The following RALGPS2 variants were observed in gnomAD, a reference collection of about 807,000 sequenced individuals.
RALGPS2 encodes Ral GEF with PH domain and SH3 binding motif 2.
Under a neutral mutation model 86.8 loss-of-function variants are expected in RALGPS2, and 43 were observed. The observed-to-expected ratio is 0.50, with a 90% CI of 0.39 to 0.64. RALGPS2 has a LOEUF of 0.64. Ranked by LOEUF, RALGPS2 falls within the 30% of genes least tolerant of loss-of-function variation. The pLI is 0.00. For missense variants in RALGPS2, 536 were observed against 694.6 expected, an observed-to-expected ratio of 0.77 and a Z score of 2.57; for synonymous variants, 243 against 231.3, an observed-to-expected ratio of 1.05 and a Z score of -0.46.
At chr1:178,799,913 T>C (rs1205412234) in intron 4 of RALGPS2, among the ~76,000 whole-genome samples, 3 of 152,180 alleles carry the variant, frequency 2.0e-5, no homozygotes, top group African/African-American at 7.2e-5. Flanking sequence ...TGGAGAAAAC[T>C]GTGTCCAGAT....
At chr1:178,794,711 T>G (rs1190815186) in intron 4 of RALGPS2, among the ~76,000 whole-genome samples, 1 of 152,218 alleles carries the variant, frequency 6.6e-6, no homozygotes, top group Admixed American at 6.5e-5. Context: ...GCAGTGCGGT[T>G]TTCTTTCCAG....
intron 2 of RALGPS2, among the ~76,000 whole-genome samples, chr1:178,780,147 A>G (rs1653319638): frequency 6.6e-6 from 1 of 152,084 alleles, no homozygotes; most frequent in African/African-American, 2.4e-5. Flanking sequence ...GTGACATCTC[A>G]TCTCCTTTTC....
intron 8 of RALGPS2, among the ~76,000 whole-genome samples, chr1:178,860,169 A>G (rs1657900746): frequency 6.6e-6 from 1 of 151,196 alleles, no homozygotes; most frequent in South Asian, 2.1e-4. Context: ...TAAATACGCT[A>G]TTTGTAAAAG....
intron 8 of RALGPS2, chr1:178,853,139 G>A (rs1240503312): frequency 1.0e-6 from 1 of 985,212 alleles, no homozygotes; most frequent in Non-Finnish European, 1.2e-6. Context: ...TTGTTTGTTT[G>A]TTTTTTGCTT....
intron 8 of RALGPS2, among the ~76,000 whole-genome samples, chr1:178,856,190 C>CAGAGAGAGAGAGAGAGAG (rs139246466): frequency 1.4e-5 from 1 of 69,122 alleles, no homozygotes; most frequent in African/African-American, 5.5e-5. Flanking sequence ...TGTACTTTTC[C>CAGAGAGAGAGAGAGAGAG]AGAGAGAGAG....
intron 8 of RALGPS2, among the ~76,000 whole-genome samples, chr1:178,847,887 T>A (rs1288421380): frequency 6.6e-6 from 1 of 152,222 alleles, no homozygotes; most frequent in Non-Finnish European, 1.5e-5. Flanking sequence ...CAAGTTGCTG[T>A]CTAATTTTGG....
intron 8 of RALGPS2, among the ~76,000 whole-genome samples, chr1:178,840,745 A>C (rs1441364997): frequency 1.3e-5 from 2 of 152,074 alleles, no homozygotes; most frequent in Admixed American, 6.6e-5. Flanking sequence ...AAAATAGACC[A>C]CTAGCAAGAC....
At chr1:178,890,615 A>G (rs1659678476) in intron 14 of RALGPS2, among the ~76,000 whole-genome samples, 1 of 151,948 alleles carries the variant, frequency 6.6e-6, no homozygotes, top group African/African-American at 2.4e-5. Context: ...ATTTGAAATC[A>G]TAAATTTCAT....
At chr1:178,754,496 C>G (rs1359137421) in intron 1 of RALGPS2, among the ~76,000 whole-genome samples, 1 of 152,074 alleles carries the variant, frequency 6.6e-6, no homozygotes, top group African/African-American at 2.4e-5. Context: ...GTCTTGAGTC[C>G]AAAGGGAGGA....
Position 178,730,989 on chromosome 1 carries a change from C to T in RALGPS2, c.-84+5570C>T, listed in dbSNP as rs144672683. Among the ~76,000 whole-genome samples, 932 of 152,104 alleles carry T rather than the reference C, an allele frequency of 6.1e-3. 9 individuals are homozygous for T. The highest frequency in any genetic ancestry group is 0.021 in the African/African-American group (881 of 41,490). On this transcript the variant is annotated intron_variant, in intron 1 of 19. Transcript: ENST00000367635. ...CTGGGATTATAGGCGTGAGCCACTG[C>T]GCCTGGCTGATTCTGAGAATTCTTT... is the stretch of plus-strand genomic sequence containing the variant.
chr1:178,807,830 T>C (rs1654812183), intron 4 of RALGPS2, among the ~76,000 whole-genome samples: 1 of 152,166 alleles, frequency 6.6e-6, no homozygotes, highest in Non-Finnish European at 1.5e-5. Flanking sequence ...GAATGTAAAT[T>C]TGCCTATGTT....
At chr1:178,821,738 A>G (rs1008787130) in intron 7 of RALGPS2, 34 bp downstream of exon 7, 3 of 1,457,368 alleles carry the variant, frequency 2.1e-6, no homozygotes, top group African/African-American at 2.8e-5. Context: ...GAAAGGTTAG[A>G]CTTCCTGTGG....
intron 1 of RALGPS2, among the ~76,000 whole-genome samples, chr1:178,730,706 G>GT (rs540414287): frequency 0.018 from 2,379 of 131,204 alleles, 56 homozygotes; most frequent in African/African-American, 0.055. Context: ...TTTTTTTTTT[G>GT]TTTTTTTTTT....
chr1:178,755,297 A>T (rs1257117158), intron 1 of RALGPS2, among the ~76,000 whole-genome samples: 1 of 151,966 alleles, frequency 6.6e-6, no homozygotes, highest in African/African-American at 2.4e-5. Flanking sequence ...CTTGGTAGTG[A>T]GCATGTTACC....
At chr1:178,783,201 CA>C (rs899031956) in intron 2 of RALGPS2, among the ~76,000 whole-genome samples, 1 of 152,028 alleles carries the variant, frequency 6.6e-6, no homozygotes, top group African/African-American at 2.4e-5. Context: ...AGCACTGTGA[CA>C]AAAACGAAGA....
intron 8 of RALGPS2, among the ~76,000 whole-genome samples, chr1:178,862,073 A>G (rs1658056763): frequency 1.3e-5 from 2 of 152,014 alleles, no homozygotes; most frequent in South Asian, 2.1e-4. Context: ...GGGTTTCACC[A>G]TGTTGGCCAG....
chr1:178,910,160 G>T (rs1048305365), intron 19 of RALGPS2, among the ~76,000 whole-genome samples: 4 of 152,122 alleles, frequency 2.6e-5, no homozygotes, highest in Non-Finnish European at 5.9e-5. Flanking sequence ...GGAGCTTTGG[G>T]TCAGAGACTA....
chr1:178,744,645 CTCTACTAATAAT>C (rs1190879830), intron 1 of RALGPS2, among the ~76,000 whole-genome samples: 3 of 151,826 alleles, frequency 2.0e-5, no homozygotes, highest in Non-Finnish European at 4.4e-5. Flanking sequence ...GAAACCCCGT[CTCTACTAATAAT>C]ACAAAAAAAA....
intron 1 of RALGPS2, among the ~76,000 whole-genome samples, chr1:178,744,609 C>T (rs929811608): frequency 6.6e-6 from 1 of 151,734 alleles, no homozygotes; most frequent in African/African-American, 2.4e-5. Context: ...AGGTCAGGAG[C>T]TCGAGACCAG....
Sources: gnomAD v4.1 joint callset for allele counts (sites outside exome capture counted in the v4.1 genomes callset) on GRCh38, gnomAD v4.1.1 for gene constraint, MANE v1.5 for transcripts, NCBI Gene and HGNC (gene_info 2026-07-23, HGNC 2026-07-21) for gene names.